Variants in CRIM1 observed in about 807,000 individuals in gnomAD.
The protein encoded by CRIM1 is cysteine rich transmembrane BMP regulator 1.
A neutral mutation model predicts 116.4 loss-of-function variants in CRIM1; 32 were observed. The ratio of observed to expected loss-of-function variants is 0.27; its 90% confidence interval spans 0.21 to 0.37. The LOEUF (loss-of-function observed/expected upper bound fraction) is 0.37. Ranked by LOEUF, CRIM1 falls within the 10% of genes least tolerant of loss-of-function variation. CRIM1 has a pLI of 1.00. For synonymous variants in CRIM1, 590 were observed against 509.2 expected, an observed-to-expected ratio of 1.16 and a Z score of -2.13; for missense variants, 1,331 against 1,354.8, an observed-to-expected ratio of 0.98 and a Z score of 0.28.
chr2:36,410,341 T>A (rs537299005), intron 2 of CRIM1, among the ~76,000 whole-genome samples: 1 of 152,294 alleles, frequency 6.6e-6, no homozygotes, highest in South Asian at 2.1e-4. Context: ...CCTGTTCCAA[T>A]AACAAAAGAA....
chr2:36,451,885 T>G (rs3770876), intron 4 of CRIM1, among the ~76,000 whole-genome samples: 79,398 of 152,006 alleles, frequency 0.52, 22,505 homozygotes, highest in African/African-American at 0.74. Context: ...TGGAGACAGT[T>G]TTAAGTTTTT....
At chr2:36,477,624 A>C (rs848546) in intron 6 of CRIM1, among the ~76,000 whole-genome samples, 2 of 151,954 alleles carry the variant, frequency 1.3e-5, no homozygotes, top group East Asian at 1.9e-4. Context: ...GGTGACACCA[A>C]CTCAAGGCCC....
At chr2:36,490,995 T>C (rs1164378683) in intron 7 of CRIM1, among the ~76,000 whole-genome samples, 1 of 152,192 alleles carries the variant, frequency 6.6e-6, no homozygotes, top group Non-Finnish European at 1.5e-5. Context: ...GTTGTCAATT[T>C]GCCAAGCAGT....
chr2:36,474,661 C>T (rs1000824350), intron 5 of CRIM1, among the ~76,000 whole-genome samples: 3 of 151,850 alleles, frequency 2.0e-5, no homozygotes, highest in African/African-American at 7.3e-5. Flanking sequence ...AGTTCAAGAC[C>T]AGCCTGGCCA....
At position 36,442,247 on chromosome 2, in the gene CRIM1, CT is replaced by C. The variant is rs879559097; in HGVS notation, c.749-356del. Reference sequence around the variant, plus strand: ...TTTGGGTTTTTCTTTTTCTTTCTTTCTTTTTTTTTTTTAACTGCTAGATAAA... The same window carrying C: ...TTTGGGTTTTTCTTTTTCTTTCTTTCTTTTTTTTTTTAACTGCTAGATAAA... On this transcript the variant is annotated intron_variant, in intron 3 of 16. Coordinates refer to ENST00000280527, the MANE Select transcript of CRIM1 (RefSeq NM_016441.3). Among the ~76,000 whole-genome samples, 1,053 of 142,476 alleles carry C rather than the reference CT, an allele frequency of 7.4e-3. 6 individuals carry two copies. The highest frequency in any genetic ancestry group is 0.018 in the African/African-American group (681 of 37,888). The allele number at this position is 142,476 out of a possible 152,430, so 93.5% of individuals were successfully genotyped here. A position where few individuals can be genotyped will look rare whatever the true frequency, so the allele number is the denominator to read the frequency against.
chr2:36,539,843 T>C (rs1037421620), intron 14 of CRIM1, among the ~76,000 whole-genome samples: 3 of 152,140 alleles, frequency 2.0e-5, no homozygotes, highest in African/African-American at 7.2e-5. Context: ...TAGACAAATA[T>C]CTAATCTGGG....
At chr2:36,411,399 C>T (rs1673190727) in intron 2 of CRIM1, among the ~76,000 whole-genome samples, 1 of 152,022 alleles carries the variant, frequency 6.6e-6, no homozygotes, top group South Asian at 2.1e-4. Context: ...CCTCTTTAGT[C>T]AGGAGAGTGT....
chr2:36,456,032 G>A (rs1456026829), intron 4 of CRIM1, among the ~76,000 whole-genome samples: 1 of 152,184 alleles, frequency 6.6e-6, no homozygotes, highest in Non-Finnish European at 1.5e-5. Context: ...CACTAGCTCA[G>A]GCCCCAGATG....
chr2:36,508,434 G>T (rs1026755165), intron 8 of CRIM1, among the ~76,000 whole-genome samples: 6 of 152,080 alleles, frequency 3.9e-5, no homozygotes, highest in South Asian at 2.1e-4. Flanking sequence ...GTGTTTTGAG[G>T]GGACAGATGC....
chr2:36,369,304 C>T (rs919475215), intron 1 of CRIM1: 1 of 152,236 alleles, frequency 6.6e-6, no homozygotes, highest in Non-Finnish European at 1.5e-5. Context: ...GGCCCTCCTC[C>T]TCTGGTGAAT....
At chr2:36,362,738 T>A (rs1558499287) in intron 1 of CRIM1, among the ~76,000 whole-genome samples, 1 of 152,206 alleles carries the variant, frequency 6.6e-6, no homozygotes, top group Admixed American at 6.5e-5. Context: ...ACTAAACTCT[T>A]ACGTGTTTTA....
intron 2 of CRIM1, among the ~76,000 whole-genome samples, chr2:36,430,093 G>A (rs1036859830): frequency 3.9e-5 from 6 of 152,292 alleles, no homozygotes; most frequent in African/African-American, 1.4e-4. Flanking sequence ...AGCCAGATGT[G>A]CAAAAGTTCC....
chr2:36,357,250 A>T (rs1393342497), intron 1 of CRIM1, among the ~76,000 whole-genome samples: 3 of 152,008 alleles, frequency 2.0e-5, no homozygotes, highest in Non-Finnish European at 4.4e-5. Flanking sequence ...TTATTTGCCC[A>T]TTGTAAACGG....
intron 2 of CRIM1, among the ~76,000 whole-genome samples, chr2:36,413,412 C>A (rs1056711695): frequency 2.0e-5 from 3 of 152,118 alleles, no homozygotes; most frequent in African/African-American, 7.2e-5. Context: ...AACAGTAGGG[C>A]TTTTCTGTCC....
chr2:36,405,633 T>A (rs1013919418), intron 2 of CRIM1, among the ~76,000 whole-genome samples: 2 of 152,240 alleles, frequency 1.3e-5, no homozygotes, highest in Non-Finnish European at 2.9e-5. Flanking sequence ...AGAGTGTTTA[T>A]GTGAATCGAC....
intron 12 of CRIM1, among the ~76,000 whole-genome samples, chr2:36,519,194 C>T (rs962860141): frequency 2.6e-5 from 4 of 152,112 alleles, no homozygotes; most frequent in African/African-American, 9.7e-5. Context: ...ATTGATGGGA[C>T]ACCTTACTGA....
intron 7 of CRIM1, among the ~76,000 whole-genome samples, chr2:36,497,624 G>A (rs1031086660): frequency 5.9e-5 from 9 of 152,138 alleles, no homozygotes; most frequent in Non-Finnish European, 1.3e-4. Context: ...AAGGAAATTA[G>A]AAACTACATC....
At chr2:36,358,715 T>G (rs187865867) in intron 1 of CRIM1, among the ~76,000 whole-genome samples, 6 of 152,306 alleles carry the variant, frequency 3.9e-5, no homozygotes, top group Admixed American at 3.3e-4. Context: ...AAACACTTTT[T>G]ATTTTACAGG....
intron 2 of CRIM1, among the ~76,000 whole-genome samples, chr2:36,412,284 A>G (rs3770908): frequency 0.21 from 30,436 of 147,514 alleles, 4,509 homozygotes; most frequent in African/African-American, 0.43. Context: ...ATGGGGGCGC[A>G]GGGGGTGGGG....
Sources: allele counts gnomAD v4.1 joint callset (sites outside exome capture counted in the v4.1 genomes callset), GRCh38; gene constraint gnomAD v4.1.1; transcripts MANE v1.5; gene names NCBI Gene and HGNC (gene_info 2026-07-23, HGNC 2026-07-21).